Variants in MBNL1 observed in about 807,000 individuals in gnomAD.
MBNL1 encodes the protein muscleblind like splicing regulator 1, also known as muscleblind-like protein 1.
A neutral mutation model predicts 42.2 loss-of-function variants in MBNL1; 8 were observed. The observed-to-expected ratio is 0.19, with a 90% CI of 0.11 to 0.34. The LOEUF (loss-of-function observed/expected upper bound fraction) is 0.34. MBNL1 is among the 10% of genes least tolerant of loss of function. MBNL1 has a pLI of 1.00. For synonymous variants in MBNL1, 169 were observed against 173.9 expected, an observed-to-expected ratio of 0.97 and a Z score of 0.22; for missense variants, 309 against 495.3, an observed-to-expected ratio of 0.62 and a Z score of 3.57.
chr3:152,265,990 C>T (rs867841001), upstream of MBNL1: 14 of 152,288 alleles, frequency 9.2e-5, no homozygotes, highest in African/African-American at 3.4e-4. Flanking sequence ...TAGGATGCTA[C>T]TGGCAGTTGA....
chr3:152,310,873 G>C (rs1463895580), intron 2 of MBNL1, among the ~76,000 whole-genome samples: 1 of 151,924 alleles, frequency 6.6e-6, no homozygotes, highest in Non-Finnish European at 1.5e-5. Context: ...ATAAAGCTTG[G>C]AATTGAGGTA....
intron 2 of MBNL1, among the ~76,000 whole-genome samples, chr3:152,311,120 T>C (rs1294284357): frequency 6.7e-6 from 1 of 149,588 alleles, no homozygotes; most frequent in African/African-American, 2.5e-5. Context: ...GCGATTCTCC[T>C]GCCTCAGCCT....
intron 2 of MBNL1, among the ~76,000 whole-genome samples, chr3:152,409,391 G>A (rs1038570780): frequency 1.3e-5 from 2 of 151,356 alleles, no homozygotes; most frequent in African/African-American, 4.9e-5. Flanking sequence ...TTGCAAGTGT[G>A]AAATAATATG....
At chr3:152,441,316 A>G (rs2099142844) in intron 4 of MBNL1, among the ~76,000 whole-genome samples, 1 of 152,212 alleles carries the variant, frequency 6.6e-6, no homozygotes, top group Admixed American at 6.5e-5. Context: ...GTATTAAAAA[A>G]TTAGAGATCA....
intron 2 of MBNL1, among the ~76,000 whole-genome samples, chr3:152,322,045 T>TA (rs1344137308): frequency 1.7e-5 from 2 of 119,098 alleles, no homozygotes; most frequent in African/African-American, 6.8e-5. Context: ...ATAGATATTT[T>TA]AAAAAATAAT....
intron 1 of MBNL1, chr3:152,244,162 A>G (rs2032335485): frequency 2.0e-5 from 3 of 152,210 alleles, no homozygotes. Context: ...ATAAACATGC[A>G]TATACTTTAA....
chr3:152,253,244 A>G (rs890255015), intron 2 of MBNL1, among the ~76,000 whole-genome samples: 3 of 152,102 alleles, frequency 2.0e-5, no homozygotes, highest in African/African-American at 4.8e-5. Flanking sequence ...TTTACTAAAT[A>G]GTACCACCTT....
intron 6 of MBNL1, chr3:152,449,317 CAGTT>C (rs1336400671): frequency 1.3e-5 from 2 of 152,208 alleles, no homozygotes; most frequent in African/African-American, 4.8e-5. Flanking sequence ...TGTTCACAGT[CAGTT>C]ACAGATTGAA....
chr3:152,373,358 A>C (rs940572168), intron 2 of MBNL1, among the ~76,000 whole-genome samples: 5 of 150,700 alleles, frequency 3.3e-5, no homozygotes, highest in South Asian at 2.1e-4. Flanking sequence ...AAAAAAAAAA[A>C]AAAAAAACCT....
rs372074601 is a variant in MBNL1 at position 152,335,404 on chromosome 3, G to A, written c.174+35037G>A. Among the ~76,000 whole-genome samples the A allele has an allele frequency of 3.9e-4, 59 of 152,278 alleles. No individual in the cohort carries two copies. In the South Asian group the frequency reaches 0.012, roughly 32 times the overall value. On this transcript the variant is annotated intron_variant, in intron 2 of 9. Coordinates refer to ENST00000324210, the MANE Select transcript of MBNL1 (RefSeq NM_021038.5). ...CATTGGTGATCTGATCTGTGATTCTGTATATGTTCCATAAAGTTCTCATTT... is the reference window on the plus strand; with the variant it reads ...CATTGGTGATCTGATCTGTGATTCTATATATGTTCCATAAAGTTCTCATTT...
chr3:152,278,276 C>T (rs2046421764), intron 1 of MBNL1, among the ~76,000 whole-genome samples: 1 of 152,020 alleles, frequency 6.6e-6, no homozygotes, highest in South Asian at 2.1e-4. Context: ...TACCTAGTGG[C>T]ATTCAGATAA....
chr3:152,426,814 A>G (rs1287503417), intron 3 of MBNL1, among the ~76,000 whole-genome samples: 1 of 152,220 alleles, frequency 6.6e-6, no homozygotes, highest in African/African-American at 2.4e-5. Flanking sequence ...TAGCCTAGGA[A>G]TAGAGAAATT....
chr3:152,362,947 A>G (rs939905694), intron 2 of MBNL1, among the ~76,000 whole-genome samples: 5 of 152,174 alleles, frequency 3.3e-5, no homozygotes, highest in Admixed American at 1.3e-4. Flanking sequence ...AATCTGAAAG[A>G]TCCATGCAAT....
intron 2 of MBNL1, among the ~76,000 whole-genome samples, chr3:152,319,510 GACAC>G (rs1457018736): frequency 6.6e-6 from 1 of 151,332 alleles, no homozygotes; most frequent in Non-Finnish European, 1.5e-5. Context: ...TGGCATCATT[GACAC>G]ACCTGACAGA....
chr3:152,269,564 G>C (rs1300549304), intron 1 of MBNL1: 3 of 453,826 alleles, frequency 6.6e-6, no homozygotes, highest in Non-Finnish European at 1.3e-5. Context: ...ATATGTGCAC[G>C]CAAAGGTTAA....
chr3:152,312,560 C>T (rs985221984), intron 2 of MBNL1, among the ~76,000 whole-genome samples: 3 of 152,146 alleles, frequency 2.0e-5, no homozygotes, highest in African/African-American at 7.2e-5. Flanking sequence ...ATTGATTGTT[C>T]TTATCTGAAT....
chr3:152,402,950 TA>T (rs1258817267), intron 2 of MBNL1, among the ~76,000 whole-genome samples: 2 of 152,116 alleles, frequency 1.3e-5, no homozygotes, highest in Non-Finnish European at 2.9e-5. Flanking sequence ...CAGTGCCCAG[TA>T]TTAGGAGAGG....
At chr3:152,375,643 C>T (rs61179756) in intron 2 of MBNL1, among the ~76,000 whole-genome samples, 5,099 of 152,046 alleles carry the variant, frequency 0.034, 290 homozygotes, top group African/African-American at 0.12. Flanking sequence ...GGCTATTCTT[C>T]TCAATATCTA....
At chr3:152,457,219 T>C (rs767036601) in intron 8 of MBNL1, among the ~76,000 whole-genome samples, 31 of 152,328 alleles carry the variant, frequency 2.0e-4, no homozygotes, top group Non-Finnish European at 4.1e-4. Flanking sequence ...TTCTAGAAAA[T>C]ACTGGTTGAT....
Sources: allele counts gnomAD v4.1 joint callset (sites outside exome capture counted in the v4.1 genomes callset), GRCh38; gene constraint gnomAD v4.1.1; transcripts MANE v1.5; gene names NCBI Gene and HGNC (gene_info 2026-07-23, HGNC 2026-07-21).